PRKACB: variants seen among roughly 807,000 people sequenced by gnomAD.
PRKACB encodes the protein protein kinase cAMP-activated catalytic subunit beta.
PRKACB carries 16 observed loss-of-function variants against 51.4 expected under a neutral mutation model. The ratio of observed to expected loss-of-function variants is 0.31; its 90% CI spans 0.21 to 0.47. The LOEUF (loss-of-function observed/expected upper bound fraction) is 0.47. PRKACB is among the 20% of genes least tolerant of loss of function. PRKACB has a pLI of 1.00. For synonymous variants in PRKACB, 147 were observed against 154.4 expected (o/e 0.95, Z 0.35); for missense variants, 309 against 464.5 (o/e 0.67, Z 3.08).
intron 1 of PRKACB, among the ~76,000 whole-genome samples, chr1:84,171,071 C>G (rs1259903810): frequency 6.6e-6 from 1 of 151,502 alleles, no homozygotes; most frequent in Non-Finnish European, 1.5e-5. Context: ...AAAAAAATCA[C>G]ACAAATGTAT....
At position 84,235,503 on chromosome 1, in the gene PRKACB, C is replaced by T; in HGVS notation, c.*198C>T. 1.6e-6 allele frequency: 1 copy of T among 623,824 alleles called. No homozygotes were observed. Among genetic ancestry groups the T allele is most frequent in the Non-Finnish European group, 2.7e-6 (1 of 369,296 alleles). 38.6% of individuals were successfully genotyped at this position (623,824 alleles called of 1,614,324 possible). A position where few individuals can be genotyped will look rare whatever the true frequency, so the allele number is the denominator to read the frequency against. ...CAAGGCACCGCTAAGCAAGCATTGT[C>T]TGTGCCATAACACAGTACTAGACCA... On this transcript the variant is annotated 3_prime_UTR_variant, in exon 10 of 10. Transcript: ENST00000370685.
At chr1:84,210,024 C>CT (rs1226287104) in intron 8 of PRKACB, among the ~76,000 whole-genome samples, 1 of 152,162 alleles carries the variant, frequency 6.6e-6, no homozygotes, top group Non-Finnish European at 1.5e-5. Flanking sequence ...GAAGTGTACT[C>CT]TATCTTTGGT....
intron 1 of PRKACB, among the ~76,000 whole-genome samples, chr1:84,107,503 C>CT (rs1208234848): frequency 1.3e-5 from 2 of 152,046 alleles, no homozygotes; most frequent in Non-Finnish European, 2.9e-5. Flanking sequence ...GTTTAAAGAG[C>CT]TTTTGCATAG....
At chr1:84,110,743 A>G (rs1650163283) in intron 1 of PRKACB, among the ~76,000 whole-genome samples, 1 of 152,042 alleles carries the variant, frequency 6.6e-6, no homozygotes, top group African/African-American at 2.4e-5. Context: ...CTTTGTGACA[A>G]CATATATCTC....
At chr1:84,128,055 C>T in intron 1 of PRKACB, among the ~76,000 whole-genome samples, 1 of 128,892 alleles carries the variant, frequency 7.8e-6, no homozygotes, top group Non-Finnish European at 1.6e-5. Context: ...GTCACCCAGG[C>T]TGGAGTGCAA....
chr1:84,124,320 C>T (rs989291870), intron 1 of PRKACB, among the ~76,000 whole-genome samples: 2 of 152,142 alleles, frequency 1.3e-5, no homozygotes, highest in Admixed American at 6.6e-5. Context: ...AGGAGAAAGT[C>T]GTCTTACATA....
At chr1:84,164,846 C>G in intron 1 of PRKACB, 1 of 1,386,760 alleles carries the variant, frequency 7.2e-7, no homozygotes, top group Non-Finnish European at 9.3e-7. Flanking sequence ...AGGGGCTTCT[C>G]TTTTTAAAAC....
At chr1:84,110,442 T>C (rs1012679833) in intron 1 of PRKACB, among the ~76,000 whole-genome samples, 7 of 151,802 alleles carry the variant, frequency 4.6e-5, no homozygotes, top group African/African-American at 1.7e-4. Context: ...GGAAAGAAAA[T>C]GTAAACTTGC....
At chr1:84,209,469 A>G (rs1280689386) in intron 8 of PRKACB, among the ~76,000 whole-genome samples, 1 of 152,200 alleles carries the variant, frequency 6.6e-6, no homozygotes, top group East Asian at 1.9e-4. Context: ...TCCTCACTTC[A>G]TATCTAATGC....
chr1:84,165,253 C>T (rs1249401765), intron 1 of PRKACB, among the ~76,000 whole-genome samples: 3 of 151,454 alleles, frequency 2.0e-5, no homozygotes, highest in African/African-American at 4.8e-5. Flanking sequence ...CTTTATGGTT[C>T]GATTTATTGT....
chr1:84,224,941 T>C (rs186187995), intron 9 of PRKACB, among the ~76,000 whole-genome samples: 2 of 152,276 alleles, frequency 1.3e-5, no homozygotes, highest in Admixed American at 6.5e-5. Context: ...TTTGGGCCAC[T>C]GGACAGCATA....
At position 84,092,990 on chromosome 1, in the gene PRKACB, T is replaced by C. The variant is rs142800977; in HGVS notation, c.46+14619T>C. Among the ~76,000 whole-genome samples, 195 of 152,128 alleles carry C rather than the reference T, an allele frequency of 1.3e-3. 1 individual carries two copies. Among genetic ancestry groups the C allele is most frequent in the African/African-American group, 4.3e-3 (180 of 41,502 alleles). Reference sequence around the variant, plus strand: ...GTTATTTAACATGGGTACAGGATTTTCCCCCCAGACGTATGTACTACAAAT... The same window carrying C: ...GTTATTTAACATGGGTACAGGATTTCCCCCCCAGACGTATGTACTACAAAT... On this transcript the variant is annotated intron_variant, in intron 1 of 8. Coordinates refer to the PRKACB transcript ENST00000370688.
At position 84,146,140 on chromosome 1, in the gene PRKACB, G is replaced by GTT. The variant is rs149821464; in HGVS notation, c.187+1595_187+1596dup. Among the ~76,000 whole-genome samples, 43 of 145,518 alleles carry GTT rather than the reference G, an allele frequency of 3.0e-4. 1 individual carries two copies. Among genetic ancestry groups the GTT allele is most frequent in the African/African-American group, 1.1e-3 (42 of 39,848 alleles). ...CATGATTTCTATTGGATAAAATGCT[G>GTT]TTTTGTTTTTTTTTTATTGTGAAGT... On this transcript the variant is annotated intron_variant, in intron 1 of 9. Transcript: ENST00000370685.
intron 1 of PRKACB, among the ~76,000 whole-genome samples, chr1:84,115,258 G>A (rs1007881389): frequency 3.3e-5 from 5 of 151,032 alleles, no homozygotes. Context: ...CCTAGTTAAG[G>A]TTTTGATTTG....
chr1:84,162,939 A>T (rs1197207157), intron 1 of PRKACB, among the ~76,000 whole-genome samples: 2 of 151,640 alleles, frequency 1.3e-5, no homozygotes, highest in Non-Finnish European at 2.9e-5. Flanking sequence ...GGTTTTGTTT[A>T]TTTTTTTATT....
chr1:84,122,424 A>G (rs566615804), intron 1 of PRKACB, among the ~76,000 whole-genome samples: 2 of 152,280 alleles, frequency 1.3e-5, no homozygotes, highest in South Asian at 2.1e-4. Context: ...GTCCTGTGAT[A>G]GGTACCAGGA....
At chr1:84,197,914 T>A in intron 7 of PRKACB, 90 bp downstream of exon 7, 1 of 884,970 alleles carries the variant, frequency 1.1e-6, no homozygotes, top group Non-Finnish European at 1.7e-6. Context: ...GATCTAATTT[T>A]ACATTTTTAA....
At position 84,236,767 on chromosome 1, in the gene PRKACB, A is replaced by G. The variant is rs1387969748; in HGVS notation, c.*1462A>G. The G allele has an allele frequency of 6.6e-6, 1 of 152,264 alleles. No individual in the cohort carries two copies. Among genetic ancestry groups the G allele is most frequent in the African/African-American group, 2.4e-5 (1 of 41,314 alleles). The allele number at this position is 152,264 out of a possible 1,614,324, so 9.4% of individuals were successfully genotyped here. ...CATGGCTTAACCCACTTGTTTTGCT[A>G]TTTTTTTCTTTGCTTTTAATTTTCC... On this transcript the variant is annotated 3_prime_UTR_variant, in exon 10 of 10. Transcript: ENST00000370685.
intron 5 of PRKACB, among the ~76,000 whole-genome samples, chr1:84,185,963 A>G (rs1033738954): frequency 6.6e-6 from 1 of 152,164 alleles, no homozygotes; most frequent in Non-Finnish European, 1.5e-5. Context: ...GTGGTCTTCA[A>G]TGTGTCTAGA....
Sources: allele counts gnomAD v4.1 joint callset (sites outside exome capture counted in the v4.1 genomes callset), GRCh38; gene constraint gnomAD v4.1.1; transcripts MANE v1.5; gene names NCBI Gene and HGNC (gene_info 2026-07-23, HGNC 2026-07-21).